RASSF3: variants seen among roughly 807,000 people sequenced by gnomAD.
RASSF3 encodes the protein ras association domain-containing protein 3.
In RASSF3, 19 loss-of-function variants were observed where a neutral mutation model predicts 19.9. The ratio of observed to expected loss-of-function variants is 0.96; its 90% CI spans 0.67 to 1.40. RASSF3 has a LOEUF of 1.40. RASSF3 is among the 40% of genes most tolerant of loss of function. The pLI is 0.00. For synonymous variants in RASSF3, 110 were observed against 104.2 expected (o/e 1.06, Z -0.34); for missense variants, 306 against 289.8 (o/e 1.06, Z -0.41).
intron 2 of RASSF3, among the ~76,000 whole-genome samples, chr12:64,546,787 C>T (rs1269293011): frequency 6.6e-6 from 1 of 152,142 alleles, no homozygotes; most frequent in Non-Finnish European, 1.5e-5. Context: ...GATCTCTCAA[C>T]CCAATTATAA....
intron 3 of RASSF3, among the ~76,000 whole-genome samples, chr12:64,689,128 A>AT (rs1873475867): frequency 6.6e-6 from 1 of 152,118 alleles, no homozygotes; most frequent in South Asian, 2.1e-4. Flanking sequence ...GTGAAACAGA[A>AT]TGAGATATTC....
At chr12:64,664,959 C>T (rs895780025) in intron 1 of RASSF3, among the ~76,000 whole-genome samples, 2 of 152,128 alleles carry the variant, frequency 1.3e-5, no homozygotes, top group Admixed American at 1.3e-4. Context: ...AGTATTCGTA[C>T]CTCAGTTTAA....
At chr12:64,611,033 G>A (rs1349168799) in intron 1 of RASSF3, among the ~76,000 whole-genome samples, 1 of 152,216 alleles carries the variant, frequency 6.6e-6, no homozygotes, top group East Asian at 1.9e-4. Flanking sequence ...CCTGCGGGGA[G>A]CAGCCCCGGA....
intron 1 of RASSF3, among the ~76,000 whole-genome samples, chr12:64,537,607 C>T (rs923622307): frequency 1.3e-5 from 2 of 152,196 alleles, no homozygotes; most frequent in African/African-American, 2.4e-5. Flanking sequence ...TCTTACTCAA[C>T]ATCTCTGCTC....
At chr12:64,528,966 C>G (rs76164043), upstream of RASSF3, among the ~76,000 whole-genome samples, 6,243 of 152,308 alleles carry the variant, frequency 0.041, 224 homozygotes, top group Middle Eastern at 0.13. Context: ...AACCTCAGTT[C>G]CCTCATCTGT....
intron 1 of RASSF3, among the ~76,000 whole-genome samples, chr12:64,642,025 A>G (rs952358314): frequency 2.0e-5 from 3 of 151,942 alleles, no homozygotes; most frequent in African/African-American, 7.2e-5. Context: ...TACAGGCGTG[A>G]GCCACCGTGC....
chr12:64,521,793 A>G (rs1020358047), intron 1 of RASSF3, among the ~76,000 whole-genome samples: 2 of 152,160 alleles, frequency 1.3e-5, no homozygotes, highest in African/African-American at 4.8e-5. Flanking sequence ...AGGTTTCAGG[A>G]GCTCAAAGAG....
chr12:64,608,323 A>G (rs1016348381), upstream of RASSF3, among the ~76,000 whole-genome samples: 3 of 151,894 alleles, frequency 2.0e-5, no homozygotes, highest in Admixed American at 1.3e-4. Flanking sequence ...CATAAAGTTT[A>G]TTTATTTATT....
chr12:64,560,886 C>T (rs1869335382), intron 2 of RASSF3, among the ~76,000 whole-genome samples: 1 of 152,232 alleles, frequency 6.6e-6, no homozygotes, highest in African/African-American at 2.4e-5. Context: ...TGATAGGAGA[C>T]TCTCAGGCTG....
In RASSF3 at chr12:64,610,560, T is replaced by C. The variant is rs1870308991; in HGVS notation, c.-73T>C. ...CTGCGCGCCGGGAACCTCGCGGGGC[T>C]GGCGGGCGCCGCACCCCCTCCCTGG... On this transcript the variant is annotated 5_prime_UTR_variant, in exon 1 of 5. Coordinates refer to ENST00000542104, the MANE Select transcript of RASSF3 (RefSeq NM_178169.4). 1.7e-5 allele frequency: 12 copies of C among 719,532 alleles called. No homozygotes were observed. In the South Asian group the frequency reaches 4.6e-4, roughly 28 times the overall value. The allele number at this position is 719,532 out of a possible 1,614,324, so 44.6% of individuals were successfully genotyped here.
chr12:64,565,402 A>C (rs1019916704), intron 2 of RASSF3, among the ~76,000 whole-genome samples: 1 of 151,214 alleles, frequency 6.6e-6, no homozygotes, highest in African/African-American at 2.4e-5. Context: ...CAGGGCAAAA[A>C]CTCATCTCTA....
intron 2 of RASSF3, among the ~76,000 whole-genome samples, chr12:64,573,039 A>G (rs1869545003): frequency 6.6e-6 from 1 of 152,160 alleles, no homozygotes; most frequent in Non-Finnish European, 1.5e-5. Context: ...CCAGCCCAAA[A>G]TGCAATTCCT....
At position 64,679,310 on chromosome 12, in the gene RASSF3, T is replaced by C. The variant is rs143449717; in HGVS notation, c.112-5477T>C. On this transcript the variant is annotated intron_variant, in intron 1 of 4. Transcript: ENST00000542104. ...TCCTGACCTCGTGATCCACCCACCT[T>C]GGCCTCCCAAAGTGTTGGGATTACG... 3.7e-3 allele frequency among the ~76,000 whole-genome samples: 558 copies of C among 152,332 alleles called. 3 individuals are homozygous for C. The highest frequency in any genetic ancestry group is 0.013 in the African/African-American group (526 of 41,572).
rs369953282 is a variant in RASSF3, at chr12:64,518,002, G to C, written c.169+10673G>C. Among the ~76,000 whole-genome samples, 7 of 152,000 alleles carry C rather than the reference G, an allele frequency of 4.6e-5. No homozygotes were observed. In the East Asian group the frequency reaches 1.4e-3, roughly 29 times the overall value. ...GGGAAGTGGGGTTGAAGTTGGGACA[G>C]GGAAAAATGGGGAAACTTCCTTTTA... is the stretch of plus-strand genomic sequence containing the variant. On this transcript the variant is annotated intron_variant, in intron 1 of 5. Coordinates refer to the RASSF3 transcript ENST00000637125.
intron 2 of RASSF3, among the ~76,000 whole-genome samples, chr12:64,569,604 G>C (rs141566366): frequency 5.6e-4 from 86 of 152,326 alleles, no homozygotes; most frequent in African/African-American, 1.9e-3. Flanking sequence ...CCAAGAATAC[G>C]AGTATCTTAA....
At chr12:64,592,046 C>T (rs533056693) in intron 2 of RASSF3, among the ~76,000 whole-genome samples, 3 of 151,962 alleles carry the variant, frequency 2.0e-5, no homozygotes, top group East Asian at 1.9e-4. Flanking sequence ...GGACTACAGG[C>T]GTATGCCACA....
intron 1 of RASSF3, among the ~76,000 whole-genome samples, chr12:64,514,307 C>T (rs113384740): frequency 0.03 from 4,511 of 150,936 alleles, 227 homozygotes; most frequent in African/African-American, 0.1. Context: ...CTGCCTTAGC[C>T]TCCCGAGTAG....
intron 2 of RASSF3, among the ~76,000 whole-genome samples, chr12:64,598,116 A>G (rs1386937494): frequency 6.6e-6 from 1 of 152,006 alleles, no homozygotes; most frequent in Non-Finnish European, 1.5e-5. Flanking sequence ...ATGGGGTTTC[A>G]CCATGTTGGC....
At chr12:64,692,823 C>T (rs1257976980) in intron 4 of RASSF3, among the ~76,000 whole-genome samples, 1 of 151,956 alleles carries the variant, frequency 6.6e-6, no homozygotes, top group Non-Finnish European at 1.5e-5. Flanking sequence ...GCAATCCTCC[C>T]ACCTCAGCCT....
Sources: gnomAD v4.1 joint callset for allele counts (sites outside exome capture counted in the v4.1 genomes callset) on GRCh38, gnomAD v4.1.1 for gene constraint, MANE v1.5 for transcripts, NCBI Gene and HGNC (gene_info 2026-07-23, HGNC 2026-07-21) for gene names.